NELL1: variants seen among roughly 807,000 people sequenced by gnomAD.
NELL1 encodes neural EGFL like 1, also known as protein kinase C-binding protein NELL1.
In NELL1, 76 loss-of-function variants were observed where a neutral mutation model predicts 107.4. That is an observed-to-expected ratio of 0.71 (90% CI 0.59 to 0.86). The LOEUF (loss-of-function observed/expected upper bound fraction) is 0.86, where lower values mean the gene tolerates loss of function less well. Among genes scored for constraint, NELL1 ranks in the 40% least tolerant of loss-of-function variants. The probability of loss-of-function intolerance (pLI) is 0.00; values close to 1 mark genes in which losing one functional copy is unlikely to be tolerated. For missense variants in NELL1, 1,024 were observed against 1,005.5 expected, an observed-to-expected ratio of 1.02 and a Z score of -0.25; for synonymous variants, 353 against 341.2, an observed-to-expected ratio of 1.03 and a Z score of -0.38.
chr11:21,565,645 C>T (rs929319811), intron 17 of NELL1, among the ~76,000 whole-genome samples: 2 of 151,988 alleles, frequency 1.3e-5, no homozygotes, highest in South Asian at 4.2e-4. Context: ...TTTCCTATCC[C>T]CTAGCCTCCT....
chr11:21,375,420 T>A (rs1851451270), intron 15 of NELL1, among the ~76,000 whole-genome samples: 1 of 152,182 alleles, frequency 6.6e-6, no homozygotes, highest in South Asian at 2.1e-4. Context: ...CCATGGTGTA[T>A]ATGTACCATA....
chr11:20,766,665 G>C (rs1423934896), intron 2 of NELL1, among the ~76,000 whole-genome samples: 2 of 151,952 alleles, frequency 1.3e-5, no homozygotes, highest in Admixed American at 1.3e-4. Context: ...ATCTTTGACT[G>C]GATGGAGAAA....
intron 15 of NELL1, among the ~76,000 whole-genome samples, chr11:21,417,362 T>C (rs1317869044): frequency 6.6e-6 from 1 of 152,072 alleles, no homozygotes; most frequent in Non-Finnish European, 1.5e-5. Context: ...TTACTAGGAA[T>C]CTTTTTATTC....
rs1206317111 is a variant in NELL1, at chr11:20,847,655, G to C, written c.408G>C (p.Arg136Ser). ...ACTACATACACAATGGGAAGCCAAG[G>C]ACAGAGGCACTTCCTTACCGCATGG... ...RYHYIHNGKPRTEALPYRMAD... is the reference protein window; with the variant it reads ...RYHYIHNGKPSTEALPYRMAD... The change falls in exon 4 of 20, where the codon AGG (arginine) becomes AGC (serine). Residue 136 changes from arginine (R) to serine (S), a missense_variant. Transcript: ENST00000357134. The C allele has an allele frequency of 1.9e-6, 3 of 1,613,746 alleles. No homozygotes were observed. The highest frequency in any genetic ancestry group is 1.3e-5 in the African/African-American group (1 of 74,900).
At chr11:21,083,019 C>T (rs1008027139) in intron 12 of NELL1, among the ~76,000 whole-genome samples, 1 of 152,156 alleles carries the variant, frequency 6.6e-6, no homozygotes, top group Non-Finnish European at 1.5e-5. Context: ...TCAGCTAGAG[C>T]CTGCGGCTTG....
intron 15 of NELL1, among the ~76,000 whole-genome samples, chr11:21,510,944 G>T (rs942788997): frequency 2.0e-5 from 3 of 152,170 alleles, no homozygotes; most frequent in African/African-American, 7.2e-5. Context: ...AATGGAGACA[G>T]ATTATCAATG....
chr11:20,970,809 A>G lies in NELL1; in HGVS notation c.1300+10249A>G, dbSNP rs201153429. Among the ~76,000 whole-genome samples, 6 of 152,178 alleles carry G rather than the reference A, an allele frequency of 3.9e-5. No homozygotes were observed. The East Asian group carries it at 7.7e-4, about 20-fold the overall frequency. On this transcript the variant is annotated intron_variant, in intron 12 of 19. Coordinates refer to ENST00000357134, the MANE Select transcript of NELL1 (RefSeq NM_006157.5). ...GTCTAAATTTTTTTTTTTGTGGGCC[A>G]GTATATACACATATAGGATGCTGGT...
chr11:20,986,421 G>A (rs1565000846), intron 12 of NELL1, among the ~76,000 whole-genome samples: 1 of 152,176 alleles, frequency 6.6e-6, no homozygotes, highest in African/African-American at 2.4e-5. Context: ...ATTTGGAGAT[G>A]CTTGTCTTAT....
intron 4 of NELL1, among the ~76,000 whole-genome samples, chr11:20,872,773 C>A (rs965279661): frequency 1.4e-4 from 21 of 147,296 alleles, no homozygotes; most frequent in African/African-American, 4.7e-4. Flanking sequence ...TGTTCCTTAC[C>A]ATAACTGCTA....
At chr11:21,004,191 T>A (rs1852281680) in intron 12 of NELL1, among the ~76,000 whole-genome samples, 1 of 152,108 alleles carries the variant, frequency 6.6e-6, no homozygotes, top group South Asian at 2.1e-4. Context: ...TGCTGTGAGT[T>A]TGAGTGGCGG....
chr11:21,535,191 C>T (rs769128495), intron 16 of NELL1, among the ~76,000 whole-genome samples: 1 of 152,126 alleles, frequency 6.6e-6, no homozygotes, highest in Non-Finnish European at 1.5e-5. Context: ...GAGTTATTCA[C>T]CTTCAAGACC....
intron 14 of NELL1, among the ~76,000 whole-genome samples, chr11:21,248,611 A>G (rs893426757): frequency 6.6e-6 from 1 of 151,996 alleles, no homozygotes; most frequent in South Asian, 2.1e-4. Flanking sequence ...TGGTGAGGAA[A>G]CAAGGACAGC....
chr11:21,511,143 TTG>T (rs1208018140), intron 15 of NELL1, among the ~76,000 whole-genome samples: 6 of 151,766 alleles, frequency 4.0e-5, no homozygotes, highest in Non-Finnish European at 7.3e-5. Flanking sequence ...GTGCTAGGTG[TTG>T]TGTTATTGTT....
intron 19 of NELL1, among the ~76,000 whole-genome samples, chr11:21,573,872 G>A (rs1159339832): frequency 6.6e-6 from 1 of 151,688 alleles, no homozygotes; most frequent in East Asian, 2.0e-4. Flanking sequence ...CAATGTTAGG[G>A]GAAAAAAGTC....
intron 12 of NELL1, among the ~76,000 whole-genome samples, chr11:21,087,806 A>G (rs2133683078): frequency 6.6e-6 from 1 of 152,268 alleles, no homozygotes; most frequent in South Asian, 2.1e-4. Flanking sequence ...TTTGTAAATC[A>G]GGTTTGATTG....
At chr11:21,383,366 A>G (rs1290987974) in intron 15 of NELL1, among the ~76,000 whole-genome samples, 1 of 151,942 alleles carries the variant, frequency 6.6e-6, no homozygotes, top group African/African-American at 2.4e-5. Flanking sequence ...AAATAGGTTG[A>G]GTCCATGAGG....
intron 3 of NELL1, among the ~76,000 whole-genome samples, chr11:20,798,388 G>C (rs1041450531): frequency 1.3e-5 from 2 of 152,110 alleles, no homozygotes; most frequent in Non-Finnish European, 2.9e-5. Flanking sequence ...CCTAGTGTTT[G>C]AGAAATGAAA....
chr11:20,942,474 G>A (rs1249588437), intron 10 of NELL1, among the ~76,000 whole-genome samples: 1 of 151,986 alleles, frequency 6.6e-6, no homozygotes, highest in East Asian at 1.9e-4. Context: ...GTTGGGAGTA[G>A]GGGAGTAGGG....
chr11:21,413,338 C>G (rs998406117), intron 15 of NELL1, among the ~76,000 whole-genome samples: 1 of 151,546 alleles, frequency 6.6e-6, no homozygotes, highest in African/African-American at 2.4e-5. Context: ...AAATGACACT[C>G]AAGGGTGCTG....
Sources: gnomAD v4.1 joint callset for allele counts (sites outside exome capture counted in the v4.1 genomes callset) on GRCh38, gnomAD v4.1.1 for gene constraint, MANE v1.5 for transcripts, NCBI Gene and HGNC (gene_info 2026-07-23, HGNC 2026-07-21) for gene names.